KCNN1: variants seen among roughly 807,000 people sequenced by gnomAD.
KCNN1 encodes small conductance calcium-activated potassium channel protein 1.
In KCNN1, 20 loss-of-function variants were observed where a neutral mutation model predicts 44.7. That is an observed-to-expected ratio of 0.45 (90% CI 0.32 to 0.65). The LOEUF is 0.65. KCNN1 is among the 30% of genes least tolerant of loss of function. The pLI is 0.05. For synonymous variants in KCNN1, 324 were observed against 341.7 expected, an observed-to-expected ratio of 0.95 and a Z score of 0.57; for missense variants, 632 against 785.3, an observed-to-expected ratio of 0.80 and a Z score of 2.33.
intron 7 of KCNN1, 174 bp downstream of exon 7, chr19:17,990,017 TGGGGTCTGCTAAATCATGGACAC>T: frequency 3.6e-6 from 3 of 822,194 alleles, no homozygotes; most frequent in Non-Finnish European, 4.1e-6. Flanking sequence ...AGGCAGATGA[TGGGGTCTGCTAAATCATGGACAC>T]GACTCAGTAA....
chr19:17,952,130 T>G (rs916773015), intron 1 of KCNN1: 4 of 152,044 alleles, frequency 2.6e-5, no homozygotes, highest in Non-Finnish European at 2.9e-5. Flanking sequence ...GGGCCCCGGC[T>G]GTGGCCGCGA....
rs2032676476 is a variant in KCNN1, at chr19:17,988,410, C to T, written c.1060-5C>T. ...GCTGATGTGCCCCCTCTGCCCTGCACACAGGGAGCTGGCTGTACCGCGCTC... is the reference window on the plus strand; with the variant it reads ...GCTGATGTGCCCCCTCTGCCCTGCATACAGGGAGCTGGCTGTACCGCGCTC... On this transcript the variant is annotated splice_region_variant and splice_polypyrimidine_tract_variant and intron_variant, in intron 5 of 9. Transcript: ENST00000684775. The T allele has an allele frequency of 6.2e-7, 1 of 1,609,074 alleles. No individual in the cohort carries two copies. The highest frequency in any genetic ancestry group is 8.5e-7 in the Non-Finnish European group (1 of 1,177,604).
intron 2 of KCNN1, among the ~76,000 whole-genome samples, chr19:17,956,906 G>C (rs933346191): frequency 2.6e-5 from 4 of 151,552 alleles, no homozygotes; most frequent in African/African-American, 9.7e-5. Context: ...ATTAGCCAGG[G>C]GTGATGTCGG....
At chr19:17,965,844 C>T (rs529524504), upstream of KCNN1, among the ~76,000 whole-genome samples, 5 of 152,206 alleles carry the variant, frequency 3.3e-5, no homozygotes, top group African/African-American at 7.2e-5. Context: ...TCACCACGGC[C>T]GGGCCTTGTG....
At chr19:17,986,472 C>T (rs946204901) in intron 5 of KCNN1, among the ~76,000 whole-genome samples, 2 of 151,994 alleles carry the variant, frequency 1.3e-5, no homozygotes, top group East Asian at 1.9e-4. Flanking sequence ...TGACAGTGGG[C>T]GCAGGCAGCA....
Position 17,988,523 on chromosome 19 carries a change from CG to C in KCNN1, c.1170+1del. 6.2e-7 allele frequency: 1 copy of C among 1,610,482 alleles called. No homozygotes were observed. Among genetic ancestry groups the C allele is most frequent in the Non-Finnish European group, 8.5e-7 (1 of 1,177,198 alleles). On this transcript the variant is annotated frameshift_variant and splice_region_variant, in exon 6 of 10. Transcript: ENST00000684775. LOFTEE classifies it high-confidence loss of function. ...CATGATGGACACTCAGCTCACCAAGCGGGTGAGGACCGCGGTTCCCATGGAG... is the reference window on the plus strand; with the variant it reads ...CATGATGGACACTCAGCTCACCAAGCGGTGAGGACCGCGGTTCCCATGGAG... ...NFMMDTQLTK[R>X]VKNAAANVLR...
intron 9 of KCNN1, among the ~76,000 whole-genome samples, chr19:17,995,748 G>C (rs925004497): frequency 2.3e-4 from 35 of 151,438 alleles, no homozygotes; most frequent in African/African-American, 7.7e-4. Flanking sequence ...GCCACGCCTA[G>C]CTACTTTTTG....
chr19:17,971,754 G>A (rs922336347), intron 1 of KCNN1, among the ~76,000 whole-genome samples: 2 of 146,710 alleles, frequency 1.4e-5, no homozygotes, highest in Admixed American at 6.8e-5. Context: ...GTGAGCCACC[G>A]TGCCCGGCCC....
chr19:17,984,425 G>A (rs1162965217), intron 4 of KCNN1, among the ~76,000 whole-genome samples: 1 of 152,076 alleles, frequency 6.6e-6, no homozygotes, highest in African/African-American at 2.4e-5. Flanking sequence ...TACCCCAGTT[G>A]GCCTCTGACC....
chr19:17,957,653 G>A (rs1388081890), intron 2 of KCNN1, among the ~76,000 whole-genome samples: 2 of 152,164 alleles, frequency 1.3e-5, no homozygotes, highest in Non-Finnish European at 2.9e-5. Context: ...AACAGAGTGA[G>A]TGGGAGAGAG....
chr19:17,957,926 T>C (rs2031583717), intron 2 of KCNN1, among the ~76,000 whole-genome samples: 1 of 151,774 alleles, frequency 6.6e-6, no homozygotes. Flanking sequence ...GAGCCTCAGA[T>C]GGAAAAAAGT....
intron 7 of KCNN1, among the ~76,000 whole-genome samples, chr19:17,992,008 G>A (rs1000691336): frequency 3.3e-5 from 5 of 152,140 alleles, no homozygotes; most frequent in Non-Finnish European, 5.9e-5. Flanking sequence ...TTTTAAATTT[G>A]CTAACAGCCA....
intron 4 of KCNN1, chr19:17,982,550 C>T (rs1416189515): frequency 3.0e-6 from 3 of 985,178 alleles, no homozygotes; most frequent in Non-Finnish European, 3.6e-6. Context: ...CCCCTCTGCC[C>T]GCTCCACTGG....
chr19:17,964,352 C>T (rs946722660), upstream of KCNN1, among the ~76,000 whole-genome samples: 5 of 152,110 alleles, frequency 3.3e-5, no homozygotes, highest in Non-Finnish European at 7.4e-5. The surrounding 1 kb of genome is among the most constrained non-coding windows in gnomAD (Gnocchi z 4.3). Flanking sequence ...CCTTTGTGTC[C>T]CTGAGCTCCT....
intron 1 of KCNN1, among the ~76,000 whole-genome samples, chr19:17,953,241 A>G (rs1239529538): frequency 2.6e-5 from 4 of 152,164 alleles, no homozygotes; most frequent in Admixed American, 6.5e-5. Context: ...GAGGGGGCTT[A>G]TAGATGGGGA....
chr19:17,980,428 T>C (rs2032365792), intron 3 of KCNN1, among the ~76,000 whole-genome samples: 1 of 151,846 alleles, frequency 6.6e-6, no homozygotes, highest in African/African-American at 2.4e-5. Context: ...TGAATGTGTC[T>C]GTCCAAGCGT....
At chr19:17,966,821 C>A (rs1267512043), upstream of KCNN1, among the ~76,000 whole-genome samples, 1 of 150,870 alleles carries the variant, frequency 6.6e-6, no homozygotes, top group Admixed American at 6.6e-5. Context: ...GTTGACAGAG[C>A]GGCTGAAGTT....
At chr19:17,952,509 G>T (rs372109851) in intron 1 of KCNN1, among the ~76,000 whole-genome samples, 2 of 152,152 alleles carry the variant, frequency 1.3e-5, no homozygotes, top group African/African-American at 4.8e-5. Context: ...GATCCCGGGA[G>T]TCAGCTCCTG....
At position 17,973,983 on chromosome 19, in the gene KCNN1, A is replaced by G; in HGVS notation, c.95A>G (p.His32Arg). 1.3e-6 allele frequency: 2 copies of G among 1,574,460 alleles called. No individual in the cohort carries two copies. The highest frequency in any genetic ancestry group is 1.7e-6 in the Non-Finnish European group (2 of 1,162,324). ...GRDPPDPEAG[H>R]PPQPPHSPGL... Reference sequence around the variant, plus strand: ...GACCCTCCGGACCCTGAGGCCGGCCACCCCCCACAACCCCCGCACAGCCCG... The same window carrying G: ...GACCCTCCGGACCCTGAGGCCGGCCGCCCCCCACAACCCCCGCACAGCCCG... The change falls in exon 2 of 10, where the codon CAC becomes CGC. Residue 32 changes from histidine to arginine, a missense_variant. Coordinates refer to ENST00000684775, the MANE Select transcript of KCNN1 (RefSeq NM_001386974.1).
Sources: gnomAD v4.1 joint callset for allele counts (sites outside exome capture counted in the v4.1 genomes callset) on GRCh38, gnomAD v4.1.1 for gene constraint, Gnocchi (gnomAD v3.1) non-coding constraint, MANE v1.5 for transcripts, NCBI Gene and HGNC (gene_info 2026-07-23, HGNC 2026-07-21) for gene names.